ZC3H3: variants seen among roughly 807,000 people sequenced by gnomAD.
ZC3H3 encodes zinc finger CCCH domain-containing protein 3.
In ZC3H3, 36 loss-of-function variants were observed where a neutral mutation model predicts 77.3. That is an observed-to-expected ratio of 0.47 (90% CI 0.36 to 0.61). The LOEUF (loss-of-function observed/expected upper bound fraction) is 0.61. ZC3H3 is among the 20% of genes least tolerant of loss of function. The probability of loss-of-function intolerance (pLI) is 0.00; values close to 1 mark genes in which losing one functional copy is unlikely to be tolerated. For missense variants in ZC3H3, 1,331 were observed against 1,312.2 expected, an observed-to-expected ratio of 1.01 and a Z score of -0.22; for synonymous variants, 626 against 555.2, an observed-to-expected ratio of 1.13 and a Z score of -1.79.
chr8:143,524,278 C>G (rs1006066158), intron 3 of ZC3H3, among the ~76,000 whole-genome samples: 15 of 152,366 alleles, frequency 9.8e-5, no homozygotes, highest in African/African-American at 3.6e-4. Flanking sequence ...CCAGAGTCCA[C>G]AGTTACTGAA....
intron 5 of ZC3H3, among the ~76,000 whole-genome samples, chr8:143,472,375 G>C (rs1820592705): frequency 6.6e-6 from 1 of 152,246 alleles, no homozygotes; most frequent in African/African-American, 2.4e-5. Flanking sequence ...CGCCCGCCAG[G>C]GCTCTGCCAT....
chr8:143,476,571 T>TG (rs947397594), intron 4 of ZC3H3, among the ~76,000 whole-genome samples: 22 of 151,836 alleles, frequency 1.4e-4, no homozygotes, highest in African/African-American at 3.9e-4. Flanking sequence ...GCCCCCAAGG[T>TG]GGGGGGCTCA....
chr8:143,497,216 C>T (rs1282293072), intron 4 of ZC3H3, among the ~76,000 whole-genome samples: 1 of 152,156 alleles, frequency 6.6e-6, no homozygotes, highest in African/African-American at 2.4e-5. Context: ...GAGGAGAGAG[C>T]CCAGGAGCCA....
At chr8:143,445,437 G>GACT (rs1819842208) in intron 9 of ZC3H3, among the ~76,000 whole-genome samples, 1 of 145,242 alleles carries the variant, frequency 6.9e-6, no homozygotes, top group South Asian at 2.2e-4. Flanking sequence ...TTAAAGGTAG[G>GACT]AGGCCAGGGC....
Position 143,538,524 on chromosome 8 carries a change from G to A in ZC3H3, c.843C>T (p.Gly281=), listed in dbSNP as rs896963. 1.5e-3 allele frequency: 2,400 copies of A among 1,612,126 alleles called. 22 individuals carry two copies. The African/African-American group carries it at 0.028, about 19-fold the overall frequency. ...DQPVPSGSVG[G]PARPASGPRQ... is the part of the protein sequence containing the mutation. ...TGGGTCCTGAGGCCGGTCTGGCGGG[G>A]CCCCCCACTGAGCCAGACGGAACTG... The change falls in exon 2 of 12, where the codon GGC becomes GGT. Residue 281 remains glycine (G), a synonymous_variant. Transcript: ENST00000262577.
rs866480540 is a variant in ZC3H3 at position 143,440,870 on chromosome 8, G to A, written c.2492+66C>T. The stretch of plus-strand genomic sequence containing the variant: ...GGCGGGAGCTCAACCAGAGGGCCCC[G>A]GGCATCTCCCCAGACAGGGAGGGGG... On this transcript the variant is annotated intron_variant, in intron 10 of 11. Transcript: ENST00000262577. 7.5e-5 allele frequency: 100 copies of A among 1,332,316 alleles called. No homozygotes were observed. The South Asian group carries it at 1.8e-3, about 24-fold the overall frequency. 82.5% of individuals were successfully genotyped at this position (1,332,316 alleles called of 1,614,324 possible). A position where few individuals can be genotyped will look rare whatever the true frequency, so the allele number is the denominator to read the frequency against.
intron 4 of ZC3H3, among the ~76,000 whole-genome samples, chr8:143,486,596 G>T (rs1821059604): frequency 6.6e-6 from 1 of 152,112 alleles, no homozygotes; most frequent in Non-Finnish European, 1.5e-5. Context: ...CTTGGTGGGG[G>T]ACACAATTCA....
At chr8:143,532,495 C>T (rs1462533437) in intron 3 of ZC3H3, among the ~76,000 whole-genome samples, 1 of 152,214 alleles carries the variant, frequency 6.6e-6, no homozygotes, top group African/African-American at 2.4e-5. Flanking sequence ...AAAGAAAACT[C>T]CCAACAGCCA....
intron 3 of ZC3H3, among the ~76,000 whole-genome samples, chr8:143,522,340 C>T (rs1235690240): frequency 3.9e-5 from 6 of 152,346 alleles, no homozygotes; most frequent in African/African-American, 9.6e-5. Flanking sequence ...CAGTGGCTCA[C>T]GCCTGTAATC....
At chr8:143,495,178 A>G (rs1424167570) in intron 4 of ZC3H3, among the ~76,000 whole-genome samples, 1 of 152,244 alleles carries the variant, frequency 6.6e-6, no homozygotes, top group East Asian at 1.9e-4. Context: ...AAGTGACTCA[A>G]GTAAAATTAA....
intron 9 of ZC3H3, among the ~76,000 whole-genome samples, chr8:143,442,969 AG>A (rs1000078780): frequency 1.3e-5 from 2 of 152,182 alleles, no homozygotes; most frequent in African/African-American, 4.8e-5. Context: ...CCAAATCCCG[AG>A]GATCAAAGAG....
intron 9 of ZC3H3, among the ~76,000 whole-genome samples, chr8:143,456,573 A>G (rs571799631): frequency 1.4e-4 from 22 of 152,358 alleles, no homozygotes; most frequent in Non-Finnish European, 2.1e-4. Flanking sequence ...TAATAATAAA[A>G]GAGTAAATCG....
intron 3 of ZC3H3, among the ~76,000 whole-genome samples, chr8:143,531,622 C>A (rs1482340702): frequency 6.6e-6 from 1 of 152,190 alleles, no homozygotes; most frequent in Non-Finnish European, 1.5e-5. Context: ...CCTCCAGGCT[C>A]ATTATTCCCT....
chr8:143,450,075 G>A (rs774114449), intron 9 of ZC3H3, among the ~76,000 whole-genome samples: 2 of 152,160 alleles, frequency 1.3e-5, no homozygotes, highest in African/African-American at 2.4e-5. Flanking sequence ...CAGTTCCAAA[G>A]CTGTTTCCAC....
chr8:143,486,175 C>G (rs1443057551), intron 4 of ZC3H3, among the ~76,000 whole-genome samples: 1 of 152,240 alleles, frequency 6.6e-6, no homozygotes, highest in East Asian at 1.9e-4. Flanking sequence ...ACACACATGG[C>G]GTATCCATAT....
intron 9 of ZC3H3, among the ~76,000 whole-genome samples, chr8:143,453,762 T>C (rs1820045723): frequency 1.3e-5 from 2 of 152,188 alleles, no homozygotes; most frequent in Admixed American, 1.3e-4. Flanking sequence ...ATGACTGAAA[T>C]AAAAATTATA....
At chr8:143,456,846 C>T (rs936509865) in intron 9 of ZC3H3, among the ~76,000 whole-genome samples, 1 of 152,036 alleles carries the variant, frequency 6.6e-6, no homozygotes, top group Non-Finnish European at 1.5e-5. Flanking sequence ...ACAGCCTGGG[C>T]AACAAAGCGA....
Position 143,538,755 on chromosome 8 carries a change from T to C in ZC3H3, c.612A>G (p.Ser204=). 6.2e-7 allele frequency: 1 copy of C among 1,611,484 alleles called. No homozygotes were observed. The highest frequency in any genetic ancestry group is 1.3e-5 in the African/African-American group (1 of 75,062). ...GGGGGCTGTCGCCCACACTGCCCAC[T>C]GACTTCACCATCCTGGGCTTACCAG... ...KEPGKPRMVK[S]VGSVGDSPRE... Residue 204 remains serine, a synonymous_variant, in exon 2 of 12, where the codon TCA becomes TCG. Coordinates refer to ENST00000262577, the MANE Select transcript of ZC3H3 (RefSeq NM_015117.3).
chr8:143,463,378 C>A (rs1820318640), intron 9 of ZC3H3, among the ~76,000 whole-genome samples: 3 of 152,186 alleles, frequency 2.0e-5, no homozygotes, highest in Non-Finnish European at 4.4e-5. Flanking sequence ...AGAAAGCAAG[C>A]AAGGGTGCAG....
Sources: allele counts gnomAD v4.1 joint callset (sites outside exome capture counted in the v4.1 genomes callset), GRCh38; gene constraint gnomAD v4.1.1; transcripts MANE v1.5; gene names NCBI Gene and HGNC (gene_info 2026-07-23, HGNC 2026-07-21).